Variants in CRYBG1 observed in about 807,000 individuals in gnomAD.
CRYBG1 encodes beta/gamma crystallin domain-containing protein 1.
A neutral mutation model predicts 189.2 loss-of-function variants in CRYBG1; 139 were observed. The observed-to-expected ratio is 0.73, with a 90% CI of 0.64 to 0.85. The LOEUF (loss-of-function observed/expected upper bound fraction) is 0.85, where lower values mean the gene tolerates loss of function less well. CRYBG1 is among the 40% of genes least tolerant of loss of function. CRYBG1 has a pLI of 0.00. For missense variants in CRYBG1, 2,611 were observed against 2,675.8 expected, an observed-to-expected ratio of 0.98 and a Z score of 0.53; for synonymous variants, 1,023 against 1,017.1, an observed-to-expected ratio of 1.01 and a Z score of -0.11.
chr6:106,430,214 T>A (rs1771299625), intron 1 of CRYBG1, among the ~76,000 whole-genome samples: 1 of 152,118 alleles, frequency 6.6e-6, no homozygotes, highest in Non-Finnish European at 1.5e-5. Flanking sequence ...AAGGATCACT[T>A]GAGTCCAGGA....
At chr6:106,472,614 G>A (rs1772254861) in intron 2 of CRYBG1, among the ~76,000 whole-genome samples, 1 of 143,076 alleles carries the variant, frequency 7.0e-6, no homozygotes, top group Non-Finnish European at 1.5e-5. Context: ...GTATATTCTG[G>A]CCAGGCACAG....
intron 1 of CRYBG1, among the ~76,000 whole-genome samples, chr6:106,375,421 GTAAA>G (rs534278338): frequency 0.18 from 22,262 of 124,576 alleles, 1,955 homozygotes; most frequent in African/African-American, 0.19. Context: ...AAGTAAGTAA[GTAAA>G]TAAATAAATA....
intron 9 of CRYBG1, chr6:106,541,281 G>A: frequency 1.9e-6 from 1 of 533,144 alleles, no homozygotes; most frequent in Non-Finnish European, 3.7e-6. Context: ...TCTTGGAACT[G>A]CTTTTTCAAG....
intron 1 of CRYBG1, among the ~76,000 whole-genome samples, chr6:106,404,752 C>G (rs941889604): frequency 6.6e-6 from 1 of 152,104 alleles, no homozygotes; most frequent in African/African-American, 2.4e-5. Context: ...CAGTGTGGGG[C>G]ATCACCTCAC....
intron 2 of CRYBG1, among the ~76,000 whole-genome samples, chr6:106,502,078 C>T (rs983615907): frequency 3.9e-5 from 6 of 152,110 alleles, no homozygotes; most frequent in South Asian, 2.1e-4. Flanking sequence ...TGTGCCTGGT[C>T]GGGGCAGGCA....
chr6:106,512,798 G>A lies in CRYBG1; in HGVS notation c.1681G>A (p.Glu561Lys). The A allele has an allele frequency of 6.3e-7, 1 of 1,578,188 alleles. No individual in the cohort carries two copies. ...VTKGTAAESG[E>K]EAARAIPREL... The stretch of plus-strand genomic sequence containing the variant: ...CAAGGGCACTGCGGCCGAGAGCGGG[G>A]AGGAGGCGGCGCGGGCCATCCCCCG... The change falls in exon 3 of 22, where the codon GAG (glutamate) becomes AAG (lysine). Residue 561 changes from glutamate (E) to lysine (K), a missense_variant. Physicochemically the swap from Glu to Lys is moderately conservative, Grantham distance 56. This residue lies in a region of CRYBG1 where 985 missense variants were observed against 924.4 expected (regional missense o/e 1.07). Coordinates refer to ENST00000633556, the MANE Select transcript of CRYBG1 (RefSeq NM_001371242.2).
At chr6:106,497,543 C>T (rs1242347005) in intron 2 of CRYBG1, among the ~76,000 whole-genome samples, 1 of 152,226 alleles carries the variant, frequency 6.6e-6, no homozygotes, top group Non-Finnish European at 1.5e-5. Flanking sequence ...TTGTTCATCC[C>T]TGTTCATGTT....
Position 106,527,482 on chromosome 6 carries a change from T to C in CRYBG1, c.4578+12T>C, listed in dbSNP as rs747492961. 1 of 1,599,818 alleles carries C rather than the reference T, an allele frequency of 6.3e-7. No homozygotes were observed. The highest frequency in any genetic ancestry group is 1.8e-5 in the Admixed American group (1 of 56,714). The stretch of plus-strand genomic sequence containing the variant: ...GACATGTGGTTCAGGTAGGTTGTGG[T>C]AAATATGGATTTTATTTATTCAGCT... On this transcript the variant is annotated intron_variant, in intron 7 of 21. Coordinates refer to ENST00000633556, the MANE Select transcript of CRYBG1 (RefSeq NM_001371242.2).
At chr6:106,420,643 A>T (rs1453884899) in intron 1 of CRYBG1, 2 of 152,484 alleles carry the variant, frequency 1.3e-5, no homozygotes, top group African/African-American at 2.4e-5. Flanking sequence ...CCTTCAACAT[A>T]CTCTGAGGGC....
At chr6:106,408,528 C>G (rs1489122803) in intron 1 of CRYBG1, among the ~76,000 whole-genome samples, 1 of 152,166 alleles carries the variant, frequency 6.6e-6, no homozygotes. Flanking sequence ...TTTATGAGGT[C>G]AGCATCATCC....
At position 106,539,448 on chromosome 6, in the gene CRYBG1, C is replaced by T. The variant is rs1191031392; in HGVS notation, c.4764C>T (p.Ile1588=). 4 of 1,613,932 alleles carry T rather than the reference C, an allele frequency of 2.5e-6. No homozygotes were observed. The highest frequency in any genetic ancestry group is 1.7e-5 in the Admixed American group (1 of 60,014). ...CTGGATTTCAGGGTGTTCCTTTCAT[C>T]CTGGAACCTGGTGAATACCCTGACT... is the stretch of plus-strand genomic sequence containing the variant. ...EEPGFQGVPF[I]LEPGEYPDLS... Residue 1588 remains isoleucine, a synonymous_variant, in exon 9 of 22, where the codon ATC becomes ATT. Transcript: ENST00000633556.
intron 2 of CRYBG1, among the ~76,000 whole-genome samples, chr6:106,470,565 T>C (rs929837591): frequency 6.6e-6 from 1 of 151,686 alleles, no homozygotes; most frequent in Non-Finnish European, 1.5e-5. Context: ...GAGCAAGGCT[T>C]CATCTCAAAA....
At chr6:106,457,926 T>G (rs936810060) in intron 2 of CRYBG1, among the ~76,000 whole-genome samples, 1 of 152,208 alleles carries the variant, frequency 6.6e-6, no homozygotes, top group Non-Finnish European at 1.5e-5. Context: ...GGGGGAATAG[T>G]GTGTGTATAC....
At chr6:106,372,656 C>A (rs1189292160) in intron 1 of CRYBG1, among the ~76,000 whole-genome samples, 1 of 152,108 alleles carries the variant, frequency 6.6e-6, no homozygotes, top group Non-Finnish European at 1.5e-5. Flanking sequence ...GTGTGGCATG[C>A]GGGAATGAAG....
intron 1 of CRYBG1, among the ~76,000 whole-genome samples, chr6:106,433,855 G>T (rs1040547875): frequency 6.7e-6 from 1 of 148,530 alleles, no homozygotes; most frequent in Non-Finnish European, 1.5e-5. Flanking sequence ...GTAAAGACAC[G>T]AATTTTCTAT....
intron 1 of CRYBG1, among the ~76,000 whole-genome samples, chr6:106,402,524 C>T (rs977805230): frequency 6.4e-5 from 8 of 125,748 alleles, no homozygotes; most frequent in African/African-American, 2.5e-4. Context: ...CTTTGACAAA[C>T]CTGAGAAAAA....
chr6:106,363,446 T>G (rs929543559), intron 1 of CRYBG1, among the ~76,000 whole-genome samples: 2 of 152,186 alleles, frequency 1.3e-5, no homozygotes, highest in Admixed American at 6.5e-5. Flanking sequence ...TATAAATATT[T>G]CATTTACTTC....
At chr6:106,403,494 A>G (rs975914657) in intron 1 of CRYBG1, among the ~76,000 whole-genome samples, 2 of 152,374 alleles carry the variant, frequency 1.3e-5, no homozygotes, top group African/African-American at 2.4e-5. Flanking sequence ...GTCACCATTA[A>G]AGGATTCTAA....
rs1773269685 is a variant in CRYBG1, at chr6:106,511,922, G to A, written c.805G>A (p.Glu269Lys). 1 of 1,524,758 alleles carries A rather than the reference G, an allele frequency of 6.6e-7. No individual in the cohort carries two copies. The highest frequency in any genetic ancestry group is 8.8e-7 in the Non-Finnish European group (1 of 1,139,870). The allele number at this position is 1,524,758 out of a possible 1,614,324, so 94.5% of individuals were successfully genotyped here. Reference sequence around the variant, plus strand: ...AAATTCCTCCAGGCAAGAGAACGCAGAGACGCCCGCCCGCAGTCCGGGGGA... The same window carrying A: ...AAATTCCTCCAGGCAAGAGAACGCAAAGACGCCCGCCCGCAGTCCGGGGGA... Reference protein sequence around the residue: ...PGNSSRQENAETPARSPGEDA... With the variant: ...PGNSSRQENAKTPARSPGEDA... Residue 269 changes from glutamate (E) to lysine (K), a missense_variant, in exon 3 of 22, where the codon GAG becomes AAG. This residue lies in a region of CRYBG1 where 985 missense variants were observed against 924.4 expected (regional missense o/e 1.07). Coordinates refer to ENST00000633556, the MANE Select transcript of CRYBG1 (RefSeq NM_001371242.2).
Sources: gnomAD v4.1 joint callset for allele counts (sites outside exome capture counted in the v4.1 genomes callset) on GRCh38, gnomAD v4.1.1 for gene constraint, gnomAD v4.1.1 regional missense constraint, MANE v1.5 for transcripts, NCBI Gene and HGNC (gene_info 2026-07-23, HGNC 2026-07-21) for gene names.